The following FGF14 variants were observed in gnomAD, a reference collection of about 807,000 sequenced individuals.
The protein encoded by FGF14 is fibroblast growth factor homologous factor 4.
Under a neutral mutation model 25.5 loss-of-function variants are expected in FGF14, and 5 were observed. The observed-to-expected ratio is 0.20, with a 90% CI of 0.10 to 0.41. The LOEUF is 0.41. Among genes scored for constraint, FGF14 ranks in the 10% least tolerant of loss-of-function variants. FGF14 has a pLI of 1.00. For synonymous variants in FGF14, 138 were observed against 118.3 expected, an observed-to-expected ratio of 1.17 and a Z score of -1.08; for missense variants, 222 against 320.1, an observed-to-expected ratio of 0.69 and a Z score of 2.34.
chr13:101,969,647 C>T (rs1198181285), intron 1 of FGF14, among the ~76,000 whole-genome samples: 3 of 152,092 alleles, frequency 2.0e-5, no homozygotes, highest in Admixed American at 6.5e-5. Flanking sequence ...TATTTTTCAC[C>T]GTAAATTGAA....
intron 1 of FGF14, among the ~76,000 whole-genome samples, chr13:101,941,462 C>T (rs1265754121): frequency 6.6e-6 from 1 of 152,150 alleles, no homozygotes; most frequent in African/African-American, 2.4e-5. Context: ...AAGAAAAATA[C>T]ATCTTTCACC....
At chr13:102,222,858 C>G (rs549648612) in intron 1 of FGF14, among the ~76,000 whole-genome samples, 3 of 152,260 alleles carry the variant, frequency 2.0e-5, no homozygotes, top group African/African-American at 7.2e-5. Context: ...ATCTGTCCAG[C>G]CCGAAGTGCT....
At chr13:102,234,905 G>A (rs977050078) in intron 1 of FGF14, among the ~76,000 whole-genome samples, 2 of 152,160 alleles carry the variant, frequency 1.3e-5, no homozygotes, top group East Asian at 1.9e-4. Context: ...ATACTTTAAA[G>A]CACTGTTTGG....
At chr13:101,798,217 C>T (rs117698832) in intron 3 of FGF14, among the ~76,000 whole-genome samples, 4,692 of 152,154 alleles carry the variant, frequency 0.031, 106 homozygotes, top group Non-Finnish European at 0.043. Context: ...ACAGTTTTCC[C>T]TGGAGTAAGC....
In FGF14 at chr13:101,717,318, C is replaced by T. The variant is rs1002561079; in HGVS notation, c.*5513G>A. ...AATAGATTTATAAAAATTGTTATCT[C>T]TATCCTGAGATTAAGGAGTGCAACC... On this transcript the variant is annotated 3_prime_UTR_variant, in exon 5 of 5. Transcript: ENST00000376143. 1 of 152,066 alleles carries T rather than the reference C, an allele frequency of 6.6e-6. No homozygotes were observed. The highest frequency in any genetic ancestry group is 1.5e-5 in the Non-Finnish European group (1 of 68,002). The allele number at this position is 152,066 out of a possible 1,614,324, so 9.4% of individuals were successfully genotyped here.
At chr13:102,049,124 A>T (rs2042112748) in intron 1 of FGF14, among the ~76,000 whole-genome samples, 2 of 150,062 alleles carry the variant, frequency 1.3e-5, no homozygotes, top group East Asian at 1.9e-4. Flanking sequence ...GGAAAATTTT[A>T]GGAAAAAAAA....
intron 1 of FGF14, among the ~76,000 whole-genome samples, chr13:102,067,300 C>A (rs185437308): frequency 3.9e-4 from 59 of 152,212 alleles, no homozygotes; most frequent in East Asian, 1.2e-3. Context: ...AGTGACCACT[C>A]AGCTTGACAA....
At chr13:101,843,148 G>T (rs2043273802) in intron 3 of FGF14, among the ~76,000 whole-genome samples, 1 of 152,062 alleles carries the variant, frequency 6.6e-6, no homozygotes, top group Non-Finnish European at 1.5e-5. Context: ...TGTATCAAAA[G>T]TATTCTTGAG....
rs562248594 is a variant in FGF14, at chr13:102,329,990, T to C, written c.208+71481A>G. Among the ~76,000 whole-genome samples, 3 of 152,262 alleles carry C rather than the reference T, an allele frequency of 2.0e-5. No individual in the cohort carries two copies. In the South Asian group the frequency reaches 6.2e-4, roughly 32 times the overall value. ...ACCTGACTTGAGCATCATGTTCACT[T>C]CCCCAAAGTTAAACCCGCAATCGTG... On this transcript the variant is annotated intron_variant, in intron 1 of 4. Coordinates refer to the FGF14 transcript ENST00000376131.
At chr13:102,147,865 G>A (rs758175065) in intron 1 of FGF14, among the ~76,000 whole-genome samples, 1 of 152,086 alleles carries the variant, frequency 6.6e-6, no homozygotes, top group Non-Finnish European at 1.5e-5. Context: ...ATCTCAATAG[G>A]GAAAAACTGT....
At chr13:101,838,889 C>A (rs2043060872) in intron 3 of FGF14, among the ~76,000 whole-genome samples, 1 of 152,062 alleles carries the variant, frequency 6.6e-6, no homozygotes, top group African/African-American at 2.4e-5. Flanking sequence ...TTTTCCACTT[C>A]TTTTCAGACA....
chr13:101,886,932 T>A (rs1040239763), intron 1 of FGF14, among the ~76,000 whole-genome samples: 2 of 152,152 alleles, frequency 1.3e-5, no homozygotes, highest in Non-Finnish European at 2.9e-5. Flanking sequence ...CCAACAGTTA[T>A]ATTTTTAAAA....
At chr13:102,367,402 T>C (rs1017992200) in intron 1 of FGF14, 2 of 152,320 alleles carry the variant, frequency 1.3e-5, no homozygotes, top group African/African-American at 4.8e-5. Context: ...GAGCAAGTGA[T>C]CCAACAGAGA....
intron 3 of FGF14, among the ~76,000 whole-genome samples, chr13:101,800,606 A>G (rs1044144014): frequency 6.6e-6 from 1 of 152,220 alleles, no homozygotes; most frequent in African/African-American, 2.4e-5. Context: ...ATCTACTTCA[A>G]AAATTGAAAT....
intron 3 of FGF14, among the ~76,000 whole-genome samples, chr13:101,803,304 A>T (rs2041003331): frequency 6.6e-6 from 1 of 151,840 alleles, no homozygotes; most frequent in Non-Finnish European, 1.5e-5. Flanking sequence ...AATTAAAAAA[A>T]AAATTATGGA....
chr13:102,228,293 T>TTAAGA (rs1315288011), intron 1 of FGF14, among the ~76,000 whole-genome samples: 4 of 152,154 alleles, frequency 2.6e-5, no homozygotes, highest in Non-Finnish European at 5.9e-5. Flanking sequence ...TTAAGATACA[T>TTAAGA]TCCTATGTGG....
chr13:101,805,235 C>T (rs530038578), intron 3 of FGF14, among the ~76,000 whole-genome samples: 473 of 152,024 alleles, frequency 3.1e-3, no homozygotes, highest in Non-Finnish European at 5.1e-3. Context: ...TAGTGGTTGC[C>T]TTGTTGAGAA....
chr13:101,854,624 C>A (rs1401296190), intron 3 of FGF14, among the ~76,000 whole-genome samples: 1 of 152,052 alleles, frequency 6.6e-6, no homozygotes, highest in African/African-American at 2.4e-5. Context: ...CAAATGTCAT[C>A]ATCATGTTGT....
intron 1 of FGF14, among the ~76,000 whole-genome samples, chr13:101,959,200 T>C (rs1306062398): frequency 6.6e-6 from 1 of 152,272 alleles, no homozygotes; most frequent in African/African-American, 2.4e-5. Context: ...GCCACCCTGA[T>C]CTGACAGGAG....
Sources: allele counts gnomAD v4.1 joint callset (sites outside exome capture counted in the v4.1 genomes callset), GRCh38; gene constraint gnomAD v4.1.1; transcripts MANE v1.5; gene names NCBI Gene and HGNC (gene_info 2026-07-23, HGNC 2026-07-21).